The following NEGR1 variants were observed in gnomAD, a reference collection of about 807,000 sequenced individuals.
NEGR1 encodes neuronal growth regulator 1, also known as IgLON family member 4.
Under a neutral mutation model 40.9 loss-of-function variants are expected in NEGR1, and 10 were observed. The ratio of observed to expected loss-of-function variants is 0.24; its 90% CI spans 0.15 to 0.42. NEGR1 has a LOEUF of 0.42. NEGR1 is among the 10% of genes least tolerant of loss of function. The pLI, the probability that NEGR1 is intolerant of heterozygous loss-of-function variation, is 1.00. For synonymous variants in NEGR1, 185 were observed against 166.8 expected, an observed-to-expected ratio of 1.11 and a Z score of -0.84; for missense variants, 352 against 438.9, an observed-to-expected ratio of 0.80 and a Z score of 1.77.
intron 6 of NEGR1, among the ~76,000 whole-genome samples, chr1:71,549,313 G>A (rs914781468): frequency 3.3e-5 from 5 of 151,656 alleles, no homozygotes; most frequent in South Asian, 2.1e-4. Flanking sequence ...TAGATTAACC[G>A]TCTTATTACT....
chr1:72,232,305 TGAG>T (rs1037832575), intron 1 of NEGR1, among the ~76,000 whole-genome samples: 10 of 151,308 alleles, frequency 6.6e-5, no homozygotes, highest in African/African-American at 2.4e-4. Flanking sequence ...TGCAGTGAGC[TGAG>T]ATCACACCAC....
At chr1:71,504,815 AG>A (rs1647021779) in intron 6 of NEGR1, among the ~76,000 whole-genome samples, 1 of 152,174 alleles carries the variant, frequency 6.6e-6, no homozygotes, top group East Asian at 1.9e-4. Flanking sequence ...AGCACACTGA[AG>A]GGTCATTCTT....
intron 3 of NEGR1, among the ~76,000 whole-genome samples, chr1:71,727,611 TGTGCTGTG>T (rs2101659877): frequency 6.6e-6 from 1 of 152,284 alleles, no homozygotes; most frequent in South Asian, 2.1e-4. Flanking sequence ...CATTTTCTTC[TGTGCTGTG>T]GTGCAAGCAT....
At chr1:72,141,637 T>C (rs1338016744) in intron 1 of NEGR1, among the ~76,000 whole-genome samples, 1 of 152,048 alleles carries the variant, frequency 6.6e-6, no homozygotes, top group African/African-American at 2.4e-5. Flanking sequence ...TAAGGCAATG[T>C]ATTTCTTTAG....
intron 4 of NEGR1, among the ~76,000 whole-genome samples, chr1:71,636,801 A>G (rs981358727): frequency 6.6e-5 from 10 of 152,054 alleles, no homozygotes; most frequent in African/African-American, 2.4e-4. Flanking sequence ...ATTGTGTTCC[A>G]CTTAGCAACA....
At chr1:71,481,612 C>T (rs1416257497) in intron 6 of NEGR1, among the ~76,000 whole-genome samples, 1 of 151,756 alleles carries the variant, frequency 6.6e-6, no homozygotes, top group African/African-American at 2.4e-5. Context: ...ATTTTTCCAC[C>T]AATTAAGATT....
At chr1:71,659,229 A>G (rs971005460) in intron 4 of NEGR1, among the ~76,000 whole-genome samples, 1 of 152,200 alleles carries the variant, frequency 6.6e-6, no homozygotes, top group Non-Finnish European at 1.5e-5. Context: ...TAAAGAGTTA[A>G]GCCAATTGTG....
intron 3 of NEGR1, among the ~76,000 whole-genome samples, chr1:71,714,956 G>A (rs931551167): frequency 8.5e-5 from 13 of 152,264 alleles, no homozygotes; most frequent in East Asian, 3.9e-4. Context: ...CTCCAACCCC[G>A]CATTTCCCTT....
rs114462173 is a variant in NEGR1, at chr1:71,501,078, T to C, written c.940+91739A>G. Reference sequence around the variant, plus strand: ...GATTTTGTCTTATTCCACAATAAGATTGACATTAATATGCAAATAAGACCA... The same window carrying C: ...GATTTTGTCTTATTCCACAATAAGACTGACATTAATATGCAAATAAGACCA... On this transcript the variant is annotated intron_variant, in intron 6 of 6. Transcript: ENST00000357731. Among the ~76,000 whole-genome samples the C allele has an allele frequency of 4.9e-3, 753 of 152,142 alleles. 2 individuals are homozygous for C. Among genetic ancestry groups the C allele is most frequent in the South Asian group, 0.011 (55 of 4,828 alleles).
At chr1:71,793,797 G>GTA (rs1002312241) in intron 2 of NEGR1, among the ~76,000 whole-genome samples, 24 of 151,640 alleles carry the variant, frequency 1.6e-4, no homozygotes, top group African/African-American at 4.1e-4. Flanking sequence ...TTAAGGATAT[G>GTA]TATATATATA....
chr1:71,834,887 T>TCACACACACACA lies in NEGR1; in HGVS notation c.410-58602_410-58591dup, dbSNP rs10524992. Among the ~76,000 whole-genome samples the TCACACACACACA allele has an allele frequency of 3.8e-3, 558 of 146,346 alleles. 6 individuals are homozygous for TCACACACACACA. The highest frequency in any genetic ancestry group is 0.013 in the African/African-American group (521 of 39,672). ...ACCGTCGTTTTAAGATTTTAGGAGA[T>TCACACACACACA]CACACACACACACACACACACAGCA... On this transcript the variant is annotated intron_variant, in intron 2 of 6. Coordinates refer to ENST00000357731, the MANE Select transcript of NEGR1 (RefSeq NM_173808.3).
intron 1 of NEGR1, among the ~76,000 whole-genome samples, chr1:71,974,374 TG>T (rs1455335308): frequency 6.6e-6 from 1 of 152,202 alleles, no homozygotes; most frequent in African/African-American, 2.4e-5. Context: ...CTTTTACACT[TG>T]AGGATATTAA....
chr1:71,841,027 T>A (rs1659217742), intron 2 of NEGR1, among the ~76,000 whole-genome samples: 2 of 152,068 alleles, frequency 1.3e-5, no homozygotes, highest in Admixed American at 1.3e-4. Flanking sequence ...CTTGCCAACC[T>A]CCACAATCAC....
chr1:71,931,533 C>T (rs1645855463), intron 2 of NEGR1, among the ~76,000 whole-genome samples: 1 of 152,082 alleles, frequency 6.6e-6, no homozygotes, highest in Non-Finnish European at 1.5e-5. Flanking sequence ...GCTGCATCAT[C>T]CCATGACAGA....
At chr1:71,491,118 A>T (rs924668197) in intron 6 of NEGR1, among the ~76,000 whole-genome samples, 6 of 152,014 alleles carry the variant, frequency 3.9e-5, no homozygotes, top group East Asian at 3.9e-4. Context: ...AAAAATATTT[A>T]AAAAATTGCA....
intron 4 of NEGR1, among the ~76,000 whole-genome samples, chr1:71,642,341 T>C (rs2101574450): frequency 6.7e-6 from 1 of 148,800 alleles, no homozygotes; most frequent in East Asian, 2.0e-4. Flanking sequence ...AAAGGAAGAA[T>C]GAATGAAGTG....
At chr1:71,611,219 AT>A in intron 4 of NEGR1, 73 bp from the exon 5 acceptor site, 1 of 1,376,292 alleles carries the variant, frequency 7.3e-7, no homozygotes, top group South Asian at 1.2e-5. Flanking sequence ...TGACACACAT[AT>A]ATTTTTATTC....
In NEGR1 at chr1:71,867,635, A is replaced by G. The variant is rs145992667; in HGVS notation, c.409+67444T>C. ...GATTAGAATTGCCGTACTATGAAAT[A>G]GACTCCTGACCAAAATCATATACAA... On this transcript the variant is annotated intron_variant, in intron 2 of 6. Coordinates refer to ENST00000357731, the MANE Select transcript of NEGR1 (RefSeq NM_173808.3). Among the ~76,000 whole-genome samples, 897 of 152,318 alleles carry G rather than the reference A, an allele frequency of 5.9e-3. 6 individuals carry two copies. Among genetic ancestry groups the G allele is most frequent in the African/African-American group, 0.021 (859 of 41,574 alleles).
At chr1:71,697,371 A>T (rs1240096254) in intron 4 of NEGR1, among the ~76,000 whole-genome samples, 1 of 151,828 alleles carries the variant, frequency 6.6e-6, no homozygotes, top group Non-Finnish European at 1.5e-5. Context: ...TGTTGAAATC[A>T]TAAGATATAT....
Sources: allele counts gnomAD v4.1 joint callset (sites outside exome capture counted in the v4.1 genomes callset), GRCh38; gene constraint gnomAD v4.1.1; transcripts MANE v1.5; gene names NCBI Gene and HGNC (gene_info 2026-07-23, HGNC 2026-07-21).